CPXM2: variants seen among roughly 807,000 people sequenced by gnomAD.
CPXM2 encodes the protein inactive carboxypeptidase-like protein X2.
Under a neutral mutation model 86.1 loss-of-function variants are expected in CPXM2, and 66 were observed. That is an observed-to-expected ratio of 0.77 (90% CI 0.63 to 0.94). The LOEUF is 0.94. Among genes scored for constraint, CPXM2 ranks in the 40% least tolerant of loss-of-function variants. The pLI is 0.00. For synonymous variants in CPXM2, 388 were observed against 400.2 expected (o/e 0.97, Z 0.36); for missense variants, 948 against 1,026.3 (o/e 0.92, Z 1.04).
At chr10:123,799,402 G>T (rs1221248377) in intron 4 of CPXM2, among the ~76,000 whole-genome samples, 1 of 152,162 alleles carries the variant, frequency 6.6e-6, no homozygotes, top group Non-Finnish European at 1.5e-5. Context: ...CATAATATGG[G>T]AATCATAAAA....
At chr10:123,926,421 ATC>A (rs1945622318) in intron 2 of CPXM2, among the ~76,000 whole-genome samples, 1 of 152,178 alleles carries the variant, frequency 6.6e-6, no homozygotes, top group Admixed American at 6.5e-5. Flanking sequence ...TATTGGAATC[ATC>A]TGTGTGTCTC....
At chr10:123,930,600 A>G (rs1945659849) in intron 2 of CPXM2, among the ~76,000 whole-genome samples, 1 of 152,198 alleles carries the variant, frequency 6.6e-6, no homozygotes, top group South Asian at 2.1e-4. Context: ...CAACCAAAAG[A>G]TAGTAAGCCC....
chr10:123,858,852 G>A (rs1462324365), intron 3 of CPXM2, among the ~76,000 whole-genome samples: 1 of 152,208 alleles, frequency 6.6e-6, no homozygotes, highest in Non-Finnish European at 1.5e-5. Context: ...AATGCTAATA[G>A]GTAAGAATAT....
chr10:123,829,128 A>G (rs1033626403), intron 4 of CPXM2, among the ~76,000 whole-genome samples: 1 of 152,246 alleles, frequency 6.6e-6, no homozygotes, highest in African/African-American at 2.4e-5. Context: ...CACATTCAAC[A>G]TCGCTAGCTA....
At chr10:123,837,336 C>G (rs1033137977) in intron 4 of CPXM2, among the ~76,000 whole-genome samples, 3 of 152,182 alleles carry the variant, frequency 2.0e-5, no homozygotes, top group East Asian at 3.9e-4. Context: ...CCTTCCTCAG[C>G]CCTCACCTCA....
chr10:123,799,890 C>T (rs986507457), intron 4 of CPXM2, among the ~76,000 whole-genome samples: 1 of 152,098 alleles, frequency 6.6e-6, no homozygotes, highest in South Asian at 2.1e-4. Context: ...GCAAGAAAAG[C>T]GACCTACATC....
At chr10:123,898,222 A>G (rs1446943661) in intron 2 of CPXM2, among the ~76,000 whole-genome samples, 1 of 152,238 alleles carries the variant, frequency 6.6e-6, no homozygotes, top group Non-Finnish European at 1.5e-5. Flanking sequence ...GCTACAGCTG[A>G]CACAAAAATA....
intron 4 of CPXM2, among the ~76,000 whole-genome samples, chr10:123,832,388 G>A (rs1253061114): frequency 3.3e-5 from 5 of 152,186 alleles, no homozygotes; most frequent in Non-Finnish European, 7.3e-5. Flanking sequence ...GAGCAATAGT[G>A]TTGTGGGGAG....
intron 4 of CPXM2, among the ~76,000 whole-genome samples, chr10:123,820,694 C>T (rs1254250590): frequency 1.3e-5 from 2 of 152,180 alleles, no homozygotes; most frequent in African/African-American, 2.4e-5. Flanking sequence ...TAATCTGTTT[C>T]CCTGCCTTTT....
rs183448895 is a variant in CPXM2 at position 123,861,767 on chromosome 10, G to A, written c.513+847C>T. On this transcript the variant is annotated intron_variant, in intron 3 of 13. Coordinates refer to ENST00000241305, the MANE Select transcript of CPXM2 (RefSeq NM_198148.3). Reference sequence around the variant, plus strand: ...TGATTCTCCCTACAGTCTCCAGAAAGAGCATCGCCCTGCATACCTTGATTT... The same window carrying A: ...TGATTCTCCCTACAGTCTCCAGAAAAAGCATCGCCCTGCATACCTTGATTT... 1.5e-3 allele frequency among the ~76,000 whole-genome samples: 232 copies of A among 152,348 alleles called. 2 individuals are homozygous for A. The highest frequency in any genetic ancestry group is 5.3e-3 in the African/African-American group (220 of 41,592).
intron 4 of CPXM2, among the ~76,000 whole-genome samples, chr10:123,836,699 C>T (rs1023245055): frequency 2.0e-5 from 3 of 152,216 alleles, no homozygotes; most frequent in Non-Finnish European, 4.4e-5. Flanking sequence ...CCTCCTACTT[C>T]ACCAAGAATG....
intron 4 of CPXM2, among the ~76,000 whole-genome samples, chr10:123,802,406 T>C (rs1847478968): frequency 6.6e-6 from 1 of 152,264 alleles, no homozygotes; most frequent in South Asian, 2.1e-4. Context: ...GTCCTAGGTT[T>C]ATAAAGGCTT....
At chr10:123,829,130 C>A (rs768890372) in intron 4 of CPXM2, among the ~76,000 whole-genome samples, 1 of 152,148 alleles carries the variant, frequency 6.6e-6, no homozygotes, top group East Asian at 1.9e-4. Context: ...CATTCAACAT[C>A]GCTAGCTATT....
chr10:123,863,247 T>A (rs1362934102), intron 2 of CPXM2, among the ~76,000 whole-genome samples: 1 of 152,186 alleles, frequency 6.6e-6, no homozygotes, highest in Non-Finnish European at 1.5e-5. Context: ...TCCGTAAGAA[T>A]GACAATGCTT....
Position 123,754,610 on chromosome 10 carries a change from TA to T in CPXM2, c.2017+52del. The T allele has an allele frequency of 6.1e-6, 6 of 988,042 alleles. No homozygotes were observed. The highest frequency in any genetic ancestry group is 9.8e-6 in the Non-Finnish European group (6 of 612,974). 61.2% of individuals were successfully genotyped at this position (988,042 alleles called of 1,614,324 possible). On this transcript the variant is annotated intron_variant, in intron 13 of 13. Transcript: ENST00000241305. This position sits in a 1 kb window ranked among gnomAD's most constrained non-coding sequence, Gnocchi z 4.0. ...ATGATTGTAACCCAAGTAAAATGCC[TA>T]AAAAAATGGGTATTTCTTACCAAGA...
chr10:123,939,319 A>G (rs1253995019), intron 2 of CPXM2, among the ~76,000 whole-genome samples: 1 of 152,188 alleles, frequency 6.6e-6, no homozygotes, highest in Non-Finnish European at 1.5e-5. Context: ...AGCGGGGCCC[A>G]GCAGGTGGAA....
At chr10:123,825,745 C>A (rs974720114) in intron 4 of CPXM2, among the ~76,000 whole-genome samples, 4 of 152,182 alleles carry the variant, frequency 2.6e-5, no homozygotes, top group African/African-American at 9.7e-5. Context: ...ACATCTTTAA[C>A]TACCTTAATA....
chr10:123,923,087 A>G (rs1945590270), intron 2 of CPXM2, among the ~76,000 whole-genome samples: 2 of 152,196 alleles, frequency 1.3e-5, no homozygotes, highest in South Asian at 4.1e-4. Context: ...GGATAGAAAA[A>G]CATGCAAAAT....
intron 4 of CPXM2, among the ~76,000 whole-genome samples, chr10:123,842,050 G>A (rs1014569480): frequency 1.1e-4 from 16 of 152,256 alleles, no homozygotes; most frequent in Admixed American, 7.8e-4. Context: ...CTAATATCTC[G>A]TCCCAGAGCT....
Sources: gnomAD v4.1 joint callset for allele counts (sites outside exome capture counted in the v4.1 genomes callset) on GRCh38, gnomAD v4.1.1 for gene constraint, Gnocchi (gnomAD v3.1) non-coding constraint, MANE v1.5 for transcripts, NCBI Gene and HGNC (gene_info 2026-07-23, HGNC 2026-07-21) for gene names.